The following PARPBP variants were observed in gnomAD, a reference collection of about 807,000 sequenced individuals.
PARPBP encodes the protein PARP1 binding protein.
A neutral mutation model predicts 50.0 loss-of-function variants in PARPBP; 52 were observed. The ratio of observed to expected loss-of-function variants is 1.04; its 90% CI spans 0.83 to 1.31. PARPBP has a LOEUF of 1.31. Ranked by LOEUF, PARPBP falls within the 50% of genes most tolerant of loss-of-function variation. PARPBP has a pLI of 0.00. For synonymous variants in PARPBP, 244 were observed against 232.1 expected (o/e 1.05, Z -0.47); for missense variants, 697 against 672.0 (o/e 1.04, Z -0.41).
Position 102,195,953 on chromosome 12 carries a change from G to A in PARPBP, c.1402G>A (p.Gly468Ser). Reference protein sequence around the residue: ...VLYMENDLSEGVNPSVGRSTI... With the variant: ...VLYMENDLSESVNPSVGRSTI... ...CCCCTTTTTATCTTGCATAACAGAGGGTGTAAATCCATCTGTTGGAAGATC... is the reference window on the plus strand; with the variant it reads ...CCCCTTTTTATCTTGCATAACAGAGAGTGTAAATCCATCTGTTGGAAGATC... Residue 468 changes from glycine to serine, a missense_variant and splice_region_variant, in exon 11 of 11, where the codon GGT (glycine) becomes AGT (serine). By Grantham distance (56) the Gly-to-Ser change is moderately conservative (BLOSUM62 0). Transcript: ENST00000327680. 1 of 1,570,092 alleles carries A rather than the reference G, an allele frequency of 6.4e-7. No individual in the cohort carries two copies. The highest frequency in any genetic ancestry group is 8.6e-7 in the Non-Finnish European group (1 of 1,157,298).
intron 3 of PARPBP, among the ~76,000 whole-genome samples, chr12:102,151,293 G>T (rs1170431207): frequency 1.3e-5 from 2 of 152,212 alleles, no homozygotes; most frequent in African/African-American, 4.8e-5. Context: ...TGCCGCGGGT[G>T]CTTCATGATG....
chr12:102,151,795 C>T (rs565215258), intron 3 of PARPBP: 42 of 1,534,590 alleles, frequency 2.7e-5, no homozygotes, highest in Middle Eastern at 1.7e-4. Flanking sequence ...AGCTGTCATG[C>T]GGCAAGTGAG....
chr12:102,160,973 C>T (rs887753175), intron 4 of PARPBP, among the ~76,000 whole-genome samples: 1 of 151,458 alleles, frequency 6.6e-6, no homozygotes, highest in Non-Finnish European at 1.5e-5. Flanking sequence ...TATATATAAT[C>T]AGAAAACTAT....
At chr12:102,136,333 C>T (rs879241824) in intron 2 of PARPBP, among the ~76,000 whole-genome samples, 2 of 152,146 alleles carry the variant, frequency 1.3e-5, no homozygotes, top group Admixed American at 1.3e-4. Flanking sequence ...TTTTCAGAAT[C>T]AGTATTGTAT....
intron 4 of PARPBP, among the ~76,000 whole-genome samples, chr12:102,155,648 G>A (rs1259730197): frequency 2.0e-5 from 3 of 150,826 alleles, no homozygotes; most frequent in Admixed American, 2.0e-4. Context: ...ATTCGAGCAG[G>A]AACTTCAACA....
At chr12:102,194,848 TC>T (rs974699495) in intron 9 of PARPBP, among the ~76,000 whole-genome samples, 2 of 151,678 alleles carry the variant, frequency 1.3e-5, no homozygotes, top group Non-Finnish European at 3.0e-5. Flanking sequence ...CTTTTTTTCA[TC>T]TTAGCATTTC....
At chr12:102,171,638 G>T (rs184575409) in intron 6 of PARPBP, among the ~76,000 whole-genome samples, 1 of 152,020 alleles carries the variant, frequency 6.6e-6, no homozygotes, top group Non-Finnish European at 1.5e-5. Flanking sequence ...AGGCCGAGGC[G>T]GGCGGATCAC....
Position 102,196,912 on chromosome 12 carries a change from A to C in PARPBP, c.*621A>C, listed in dbSNP as rs1228774960. On this transcript the variant is annotated 3_prime_UTR_variant, in exon 11 of 11. Transcript: ENST00000327680. ...TATGATTGCATCCAAATTCACTTTA[A>C]CTCAGAGTTCTGTTTAATGGTGGTA... is the stretch of plus-strand genomic sequence containing the variant. 24 of 1,404,504 alleles carry C rather than the reference A, an allele frequency of 1.7e-5. No individual in the cohort carries two copies. Among genetic ancestry groups the C allele is most frequent in the Non-Finnish European group, 2.4e-5 (24 of 1,001,086 alleles). The allele number at this position is 1,404,504 out of a possible 1,614,324, so 87.0% of individuals were successfully genotyped here.
chr12:102,165,239 G>A (rs1888020321), intron 5 of PARPBP, among the ~76,000 whole-genome samples: 1 of 152,182 alleles, frequency 6.6e-6, no homozygotes, highest in African/African-American at 2.4e-5. Context: ...AAAGCTGGAT[G>A]TAACTTAGTG....
chr12:102,182,737 C>A, intron 9 of PARPBP, 110 bp downstream of exon 9: 1 of 742,476 alleles, frequency 1.3e-6, no homozygotes, highest in South Asian at 1.8e-5. Context: ...TTGTACATGA[C>A]ACAGTAGGAA....
At chr12:102,151,537 A>C (rs998219914) in intron 3 of PARPBP, 140 of 1,489,990 alleles carry the variant, frequency 9.4e-5, no homozygotes, top group Non-Finnish European at 1.2e-4. Context: ...TGATGCCTGC[A>C]CACTTTTTAG....
At position 102,197,510 on chromosome 12, in the gene PARPBP, A is replaced by G. The variant is rs775168676; in HGVS notation, c.*1219A>G. 1 of 1,590,536 alleles carries G rather than the reference A, an allele frequency of 6.3e-7. No homozygotes were observed. Among genetic ancestry groups the G allele is most frequent in the Non-Finnish European group, 8.5e-7 (1 of 1,171,064 alleles). On this transcript the variant is annotated 3_prime_UTR_variant, in exon 11 of 11. Transcript: ENST00000327680. ...TTCATTGAAATAAACGACAAGTCAC[A>G]TTGCCACTTACCTTTGAAACTTTAT...
At chr12:102,151,895 A>G (rs946379425) in intron 3 of PARPBP, 2 of 859,898 alleles carry the variant, frequency 2.3e-6, no homozygotes, top group African/African-American at 1.7e-5. Context: ...CCAGGGACCC[A>G]AGGAGCTTCA....
At chr12:102,190,014 A>G (rs773737968) in intron 9 of PARPBP, among the ~76,000 whole-genome samples, 2 of 152,156 alleles carry the variant, frequency 1.3e-5, no homozygotes, top group Non-Finnish European at 2.9e-5. Flanking sequence ...TACTCTGAAC[A>G]TATTTTTCTA....
chr12:102,191,281 T>G (rs1160387448), intron 9 of PARPBP, among the ~76,000 whole-genome samples: 1 of 152,198 alleles, frequency 6.6e-6, no homozygotes, highest in Non-Finnish European at 1.5e-5. Flanking sequence ...ACGATAATGC[T>G]ACTACTTAGG....
chr12:102,192,539 T>A (rs1019224050), intron 9 of PARPBP, among the ~76,000 whole-genome samples: 1 of 152,052 alleles, frequency 6.6e-6, no homozygotes, highest in Non-Finnish European at 1.5e-5. Context: ...AATCTCTAGG[T>A]CTTTTACATA....
In PARPBP at chr12:102,197,440, G is replaced by A; in HGVS notation, c.*1149G>A. On this transcript the variant is annotated 3_prime_UTR_variant, in exon 11 of 11. Transcript: ENST00000327680. ...TTTGCATATACTTCTGTTTATAAAA[G>A]TATCAGTTTTACTTTTCAGAGGATT... is the stretch of plus-strand genomic sequence containing the variant. The A allele has an allele frequency of 7.9e-7, 1 of 1,260,574 alleles. No homozygotes were observed. Among genetic ancestry groups the A allele is most frequent in the Non-Finnish European group, 1.1e-6 (1 of 908,130 alleles). The allele number at this position is 1,260,574 out of a possible 1,614,324, so 78.1% of individuals were successfully genotyped here. A position where few individuals can be genotyped will look rare whatever the true frequency, so the allele number is the denominator to read the frequency against.
chr12:102,133,075 A>G (rs1883107402), intron 2 of PARPBP, among the ~76,000 whole-genome samples: 1 of 152,164 alleles, frequency 6.6e-6, no homozygotes, highest in African/African-American at 2.4e-5. Flanking sequence ...TGTATATAAG[A>G]ACATGTTATC....
intron 2 of PARPBP, among the ~76,000 whole-genome samples, chr12:102,145,217 G>T (rs551511947): frequency 4.6e-5 from 7 of 152,130 alleles, no homozygotes; most frequent in Admixed American, 4.6e-4. Flanking sequence ...GTTGTGTAAA[G>T]TTTATATTGT....
Sources: allele counts gnomAD v4.1 joint callset (sites outside exome capture counted in the v4.1 genomes callset), GRCh38; gene constraint gnomAD v4.1.1; transcripts MANE v1.5; gene names NCBI Gene and HGNC (gene_info 2026-07-23, HGNC 2026-07-21).